Variants in WASF3 observed in about 807,000 individuals in gnomAD.
The protein encoded by WASF3 is actin-binding protein WASF3.
In WASF3, 11 loss-of-function variants were observed where a neutral mutation model predicts 46.6. That is an observed-to-expected ratio of 0.24 (90% CI 0.15 to 0.39). The LOEUF is 0.39. Ranked by LOEUF, WASF3 falls within the 10% of genes least tolerant of loss-of-function variation. The pLI is 1.00. For synonymous variants in WASF3, 242 were observed against 259.7 expected (o/e 0.93, Z 0.65); for missense variants, 576 against 669.8 (o/e 0.86, Z 1.55).
chr13:26,682,840 G>T lies in WASF3; in HGVS notation c.1217G>T (p.Gly406Val). 6.2e-7 allele frequency: 1 copy of T among 1,610,962 alleles called. No individual in the cohort carries two copies. Among genetic ancestry groups the T allele is most frequent in the Non-Finnish European group, 8.5e-7 (1 of 1,179,884 alleles). ...PPPGPPPPPP[G>V]PPGPGSSLSS... ...CCGGGCCCACCACCTCCCCCGCCAG[G>T]CCCTCCTGGTCCCGGGTCTTCTCTT... The change falls in exon 9 of 10, where the codon GGC (glycine) becomes GTC (valine). Residue 406 changes from glycine (G) to valine (V), a missense_variant. Physicochemically the swap from Gly to Val is moderately radical, Grantham distance 109. Around this residue, in one of 3 missense-constraint regions of WASF3, gnomAD observed 295 missense variants for 291.5 expected, o/e 1.01. Coordinates refer to ENST00000335327, the MANE Select transcript of WASF3 (RefSeq NM_006646.6). The surrounding 1 kb of genome is among the most constrained non-coding windows in gnomAD (Gnocchi z 4.4).
chr13:26,628,632 G>A lies in WASF3; in HGVS notation c.-10-13629G>A, dbSNP rs117208704. ...TGGAGTCAGTTTCCTCTGCCAGTACGGAGATTCCTCTTTTCATTTTCTATT... is the reference window on the plus strand; with the variant it reads ...TGGAGTCAGTTTCCTCTGCCAGTACAGAGATTCCTCTTTTCATTTTCTATT... On this transcript the variant is annotated intron_variant, in intron 2 of 9. Coordinates refer to ENST00000335327, the MANE Select transcript of WASF3 (RefSeq NM_006646.6). Among the ~76,000 whole-genome samples, 709 of 152,254 alleles carry A rather than the reference G, an allele frequency of 4.7e-3. 4 individuals are homozygous for A. Among genetic ancestry groups the A allele is most frequent in the Middle Eastern group, 0.01 (3 of 294 alleles).
upstream of WASF3, among the ~76,000 whole-genome samples, chr13:26,557,517 C>T (rs1879128104): frequency 6.6e-6 from 1 of 152,162 alleles, no homozygotes. Context: ...AATCCCCCGC[C>T]CCTCGGCACC....
intron 2 of WASF3, among the ~76,000 whole-genome samples, chr13:26,614,035 A>G (rs560123522): frequency 1.3e-5 from 2 of 152,326 alleles, no homozygotes; most frequent in South Asian, 2.1e-4. Flanking sequence ...AACTGTAAAA[A>G]TCAAATGAGA....
At chr13:26,671,791 T>C (rs190568924) in intron 5 of WASF3, 81 bp from the exon 6 acceptor site, 1 of 937,846 alleles carries the variant, frequency 1.1e-6, no homozygotes, top group Admixed American at 2.6e-5. Flanking sequence ...TTTCATGAGT[T>C]CAAATCAAGT....
chr13:26,602,618 T>G (rs578219498), intron 1 of WASF3, among the ~76,000 whole-genome samples: 2 of 152,354 alleles, frequency 1.3e-5, no homozygotes, highest in South Asian at 4.1e-4. Context: ...AATCTCTTTG[T>G]TATAGTGGCC....
At chr13:26,583,684 C>A (rs1243652581) in intron 1 of WASF3, among the ~76,000 whole-genome samples, 1 of 152,134 alleles carries the variant, frequency 6.6e-6, no homozygotes, top group East Asian at 1.9e-4. Flanking sequence ...TTGTACTTTA[C>A]CCTCTGTATT....
intron 1 of WASF3, among the ~76,000 whole-genome samples, chr13:26,572,692 A>G (rs547661840): frequency 1.2e-4 from 18 of 152,170 alleles, no homozygotes; most frequent in Admixed American, 1.0e-3. Flanking sequence ...AGCTGAGACT[A>G]TAGGCACGTA....
At chr13:26,558,301 A>G (rs1195738201) in intron 1 of WASF3, among the ~76,000 whole-genome samples, 2 of 151,714 alleles carry the variant, frequency 1.3e-5, no homozygotes, top group African/African-American at 4.8e-5. Flanking sequence ...CCCCGGCCCC[A>G]TTCGGCCCTC....
intron 2 of WASF3, among the ~76,000 whole-genome samples, chr13:26,626,704 C>T (rs1394385188): frequency 1.3e-5 from 2 of 152,074 alleles, no homozygotes; most frequent in East Asian, 3.9e-4. Flanking sequence ...AAACACTAAT[C>T]AAAATAAGGA....
intron 1 of WASF3, among the ~76,000 whole-genome samples, chr13:26,587,498 C>T (rs1238773815): frequency 6.6e-6 from 1 of 152,090 alleles, no homozygotes; most frequent in East Asian, 1.9e-4. Context: ...TCTCTAAAAA[C>T]AGGATGGAGG....
At chr13:26,581,625 TA>T (rs375696038) in intron 1 of WASF3, among the ~76,000 whole-genome samples, 13 of 149,460 alleles carry the variant, frequency 8.7e-5, no homozygotes, top group South Asian at 6.4e-4. Context: ...GGTTCTGCTT[TA>T]AAAAAAAAAG....
At chr13:26,662,892 CA>C (rs1882672146) in intron 3 of WASF3, among the ~76,000 whole-genome samples, 2 of 152,040 alleles carry the variant, frequency 1.3e-5, no homozygotes, top group African/African-American at 4.8e-5. Flanking sequence ...TACACATACA[CA>C]TACACATACT....
chr13:26,661,181 A>G (rs544992879), intron 3 of WASF3, among the ~76,000 whole-genome samples: 1 of 152,328 alleles, frequency 6.6e-6, no homozygotes, highest in East Asian at 1.9e-4. Flanking sequence ...TGTAGCAAGT[A>G]ATGTTAACCA....
chr13:26,548,059 C>A, the WASF3 span, among the ~76,000 whole-genome samples: 1 of 152,228 alleles, frequency 6.6e-6, no homozygotes, highest in South Asian at 2.1e-4. Flanking sequence ...TACAGATTGA[C>A]CTTATTTTAA....
At chr13:26,567,801 A>G (rs1031522229) in intron 1 of WASF3, among the ~76,000 whole-genome samples, 1 of 151,908 alleles carries the variant, frequency 6.6e-6, no homozygotes, top group Non-Finnish European at 1.5e-5. Context: ...GCGTGTATTT[A>G]TACGTGTATA....
intron 1 of WASF3, among the ~76,000 whole-genome samples, chr13:26,593,704 A>G (rs11619978): frequency 0.3 from 45,229 of 152,114 alleles, 7,111 homozygotes; most frequent in East Asian, 0.57. Flanking sequence ...TATATTCAGC[A>G]CTTAGGTACT....
At chr13:26,546,734 A>G in the WASF3 span, among the ~76,000 whole-genome samples, 1 of 152,232 alleles carries the variant, frequency 6.6e-6, no homozygotes, top group African/African-American at 2.4e-5. Flanking sequence ...AATAAAAAGT[A>G]AAAACAAACA....
intron 1 of WASF3, among the ~76,000 whole-genome samples, chr13:26,570,014 G>A (rs1005915135): frequency 3.9e-5 from 6 of 152,146 alleles, no homozygotes; most frequent in East Asian, 1.9e-4. Context: ...AGCCGGGCGC[G>A]GTGGCTCATG....
intron 4 of WASF3, 150 bp downstream of exon 4, chr13:26,665,312 C>A: frequency 2.1e-6 from 2 of 940,242 alleles, no homozygotes; most frequent in Non-Finnish European, 3.1e-6. Flanking sequence ...GAAAAACCTA[C>A]AACTTTGTGT....
Sources: allele counts gnomAD v4.1 joint callset (sites outside exome capture counted in the v4.1 genomes callset), GRCh38; gene constraint gnomAD v4.1.1; regional missense constraint gnomAD v4.1.1; non-coding constraint Gnocchi (gnomAD v3.1); transcripts MANE v1.5; gene names NCBI Gene and HGNC (gene_info 2026-07-23, HGNC 2026-07-21).